The following TNFRSF10A variants were observed in gnomAD, a reference collection of about 807,000 sequenced individuals.
The protein encoded by TNFRSF10A is tumor necrosis factor receptor superfamily member 10A.
In TNFRSF10A, 44 loss-of-function variants were observed where a neutral mutation model predicts 42.8. The observed-to-expected ratio is 1.03, with a 90% CI of 0.81 to 1.32. The LOEUF is 1.32. Among genes scored for constraint, TNFRSF10A ranks in the 40% most tolerant of loss-of-function variants. TNFRSF10A has a pLI of 0.00. For synonymous variants in TNFRSF10A, 259 were observed against 234.2 expected, an observed-to-expected ratio of 1.11 and a Z score of -0.97; for missense variants, 680 against 602.0, an observed-to-expected ratio of 1.13 and a Z score of -1.36.
chr8:23,201,608 G>A (rs562679863), intron 4 of TNFRSF10A, among the ~76,000 whole-genome samples, 200 bp downstream of exon 4: 1 of 152,254 alleles, frequency 6.6e-6, no homozygotes, highest in East Asian at 1.9e-4. Context: ...CAGGGGACAG[G>A]GGTGGGGACA....
chr8:23,222,899 C>A (rs1801276283), intron 1 of TNFRSF10A, among the ~76,000 whole-genome samples: 1 of 152,132 alleles, frequency 6.6e-6, no homozygotes, highest in African/African-American at 2.4e-5. Context: ...TCCTCCCCAC[C>A]CCTTCCCCTG....
At chr8:23,224,126 C>T (rs1045122107) in intron 1 of TNFRSF10A, among the ~76,000 whole-genome samples, 4 of 151,548 alleles carry the variant, frequency 2.6e-5, no homozygotes, top group Non-Finnish European at 5.9e-5. Context: ...CAGTGAAACC[C>T]CGTGACTACT....
Position 23,217,309 on chromosome 8 carries a change from T to C in TNFRSF10A, c.307-5097A>G, listed in dbSNP as rs117309819. 7.4e-3 allele frequency among the ~76,000 whole-genome samples: 1,119 copies of C among 152,196 alleles called. 10 individuals are homozygous for C. Among genetic ancestry groups the C allele is most frequent in the Non-Finnish European group, 0.012 (847 of 67,992 alleles). On this transcript the variant is annotated intron_variant, in intron 1 of 9. Transcript: ENST00000221132. ...CTGCTCACTGCAACCTCCGAATCCC[T>C]GGTTCAAGTGATTCTCCTGCCTCAG...
Position 23,224,780 on chromosome 8 carries a change from A to T in TNFRSF10A, c.282T>A (p.Phe94Leu). Reference protein sequence around the residue: ...PRLRVHKTFKFVVVGVLLQVV... With the variant: ...PRLRVHKTFKLVVVGVLLQVV... The stretch of plus-strand genomic sequence containing the variant: ...CCTGCAGCAGGACCCCGACGACGAC[A>T]AACTTGAAGGTCTTGTGGACCCGGA... The change falls in exon 1 of 10, where the codon TTT (phenylalanine) becomes TTA (leucine). Residue 94 changes from phenylalanine (F) to leucine (L), a missense_variant. By Grantham distance (22) the Phe-to-Leu change is conservative. Transcript: ENST00000221132. The T allele has an allele frequency of 6.4e-7, 1 of 1,569,576 alleles. No homozygotes were observed. The highest frequency in any genetic ancestry group is 8.6e-7 in the Non-Finnish European group (1 of 1,157,510).
rs1055081144 is a variant in TNFRSF10A, at chr8:23,191,637, A to C, written c.*57T>G. On this transcript the variant is annotated 3_prime_UTR_variant, in exon 10 of 10. Transcript: ENST00000221132. Reference sequence around the variant, plus strand: ...TGTATACATGTTAAAAAAAAAAAAAACCTAATATGTATTAACTCCTAACAC... The same window carrying C: ...TGTATACATGTTAAAAAAAAAAAAACCCTAATATGTATTAACTCCTAACAC... 8.1e-6 allele frequency: 12 copies of C among 1,479,614 alleles called. No individual in the cohort carries two copies. Among genetic ancestry groups the C allele is most frequent in the Non-Finnish European group, 9.8e-6 (11 of 1,122,614 alleles). The allele number at this position is 1,479,614 out of a possible 1,614,324, so 91.7% of individuals were successfully genotyped here. A position where few individuals can be genotyped will look rare whatever the true frequency, so the allele number is the denominator to read the frequency against.
At chr8:23,195,917 T>A (rs1800817167) in intron 9 of TNFRSF10A, among the ~76,000 whole-genome samples, 1 of 152,110 alleles carries the variant, frequency 6.6e-6, no homozygotes, top group Admixed American at 6.6e-5. Flanking sequence ...GATTGATAAA[T>A]AGAAAGGGAG....
chr8:23,201,636 G>A (rs886167015), intron 4 of TNFRSF10A, among the ~76,000 whole-genome samples, 172 bp downstream of exon 4: 4 of 152,084 alleles, frequency 2.6e-5, no homozygotes, highest in African/African-American at 9.7e-5. Context: ...GGACCAGGAG[G>A]GGCAGGTTGC....
In TNFRSF10A at chr8:23,224,933, C is replaced by G; in HGVS notation, c.129G>C (p.Gly43=). The G allele has an allele frequency of 6.3e-7, 1 of 1,599,692 alleles. No homozygotes were observed. The highest frequency in any genetic ancestry group is 8.5e-7 in the Non-Finnish European group (1 of 1,173,370). Residue 43 remains glycine, a synonymous_variant, in exon 1 of 10, where the codon GGG becomes GGC. Coordinates refer to ENST00000221132, the MANE Select transcript of TNFRSF10A (RefSeq NM_003844.4). ...TPSKVWGSSA[G]RIEPRGGGRG... Reference sequence around the variant, plus strand: ...GGCCCCCGCCTCGTGGTTCAATCCTCCCCGCGGAAGAGCCCCACACTTTGC... The same window carrying G: ...GGCCCCCGCCTCGTGGTTCAATCCTGCCCGCGGAAGAGCCCCACACTTTGC...
chr8:23,197,188 T>C lies in TNFRSF10A; in HGVS notation c.1031A>G (p.Glu344Gly). ...AQCLLGPAEA[E>G]GSQRRRLLVP... ...CAGCAGCCTCCTCCTCTGAGACCCT[T>C]CAGCTTCTGCCGGTCCCTGTAACAC... Residue 344 changes from glutamate to glycine, a missense_variant, in exon 9 of 10, where the codon GAA becomes GGA. Physicochemically the swap from Glu to Gly is moderately conservative, Grantham distance 98. Coordinates refer to ENST00000221132, the MANE Select transcript of TNFRSF10A (RefSeq NM_003844.4). The C allele has an allele frequency of 6.2e-7, 1 of 1,614,108 alleles. No individual in the cohort carries two copies. Among genetic ancestry groups the C allele is most frequent in the South Asian group, 1.1e-5 (1 of 91,082 alleles).
At chr8:23,199,535 C>G (rs761590020) in intron 7 of TNFRSF10A, 87 bp from the exon 8 acceptor site, 1 of 1,490,332 alleles carries the variant, frequency 6.7e-7, no homozygotes, top group South Asian at 1.2e-5. Context: ...GCTGCCACCA[C>G]CCCCTCCCAG....
At chr8:23,200,250 A>G (rs1800887680) in intron 6 of TNFRSF10A, among the ~76,000 whole-genome samples, 1 of 152,178 alleles carries the variant, frequency 6.6e-6, no homozygotes, top group African/African-American at 2.4e-5. Flanking sequence ...GATGGGCCTG[A>G]CCAGTGGAGG....
At chr8:23,201,568 G>C (rs1333030820) in intron 4 of TNFRSF10A, among the ~76,000 whole-genome samples, 3 of 152,070 alleles carry the variant, frequency 2.0e-5, no homozygotes, top group African/African-American at 4.8e-5. Flanking sequence ...AAGGGGACTA[G>C]TGCTGGGGAG....
Position 23,224,974 on chromosome 8 carries a change from C to T in TNFRSF10A, c.88G>A (p.Ala30Thr), listed in dbSNP as rs1485932291. 3.7e-6 allele frequency: 6 copies of T among 1,600,720 alleles called. No individual in the cohort carries two copies. The highest frequency in any genetic ancestry group is 5.1e-6 in the Non-Finnish European group (6 of 1,173,508). Residue 30 changes from alanine to threonine, a missense_variant, in exon 1 of 10, where the codon GCC becomes ACC. By Grantham distance (58) the Ala-to-Thr change is moderately conservative (BLOSUM62 0). Transcript: ENST00000221132. Reference sequence around the variant, plus strand: ...CACACTTTGCTGGGTGTGGCCGCGGCTGCCTCTGTCCCACTCGCTGCGCTC... The same window carrying T: ...CACACTTTGCTGGGTGTGGCCGCGGTTGCCTCTGTCCCACTCGCTGCGCTC... ...PGSAASGTEA[A>T]AATPSKVWGS...
chr8:23,224,646 C>G, intron 1 of TNFRSF10A, 110 bp downstream of exon 1: 1 of 1,380,486 alleles, frequency 7.2e-7, no homozygotes, highest in Non-Finnish European at 9.7e-7. Context: ...CCGGACATGC[C>G]CCGCCACAAG....
At chr8:23,219,400 C>T (rs1326434000) in intron 1 of TNFRSF10A, among the ~76,000 whole-genome samples, 1 of 125,688 alleles carries the variant, frequency 8.0e-6, no homozygotes, top group Non-Finnish European at 1.7e-5. Context: ...TGCTAAGGAA[C>T]CCTAGGAGCT....
chr8:23,191,785 T>C lies in TNFRSF10A; in HGVS notation c.1316A>G (p.His439Arg). The C allele has an allele frequency of 6.2e-7, 1 of 1,614,168 alleles. No individual in the cohort carries two copies. The highest frequency in any genetic ancestry group is 1.6e-4 in the Middle Eastern group (1 of 6,062). Residue 439 changes from histidine (H) to arginine (R), a missense_variant, in exon 10 of 10, where the codon CAT (histidine) becomes CGT (arginine). His to Arg is a conservative substitution (Grantham distance 29, BLOSUM62 0). Transcript: ENST00000221132. ...GAGGTCCTGAATCTTCTCTCTTGCA[T>C]GTCTCTCTTCCATCCTCTCCAAGGC... ...LDALERMEER[H>R]AREKIQDLLV...
intron 2 of TNFRSF10A, among the ~76,000 whole-genome samples, chr8:23,204,991 C>A (rs529571895): frequency 5.9e-5 from 9 of 151,936 alleles, no homozygotes; most frequent in African/African-American, 2.2e-4. Context: ...CAATCTATAA[C>A]CTAATAATCC....
chr8:23,215,502 C>T (rs1044686884), intron 1 of TNFRSF10A, among the ~76,000 whole-genome samples: 2 of 148,664 alleles, frequency 1.3e-5, no homozygotes, highest in South Asian at 4.4e-4. Context: ...AGCGAGACTC[C>T]GACTCAAAAA....
In TNFRSF10A at chr8:23,199,845, T is replaced by C. The variant is rs775351925; in HGVS notation, c.831+41A>G. On this transcript the variant is annotated intron_variant, in intron 7 of 9. Coordinates refer to ENST00000221132, the MANE Select transcript of TNFRSF10A (RefSeq NM_003844.4). ...TACACTGTGGGCAAGAAGCAGTTCC[T>C]GAGCCCCTGATGCCCCCAGCTCCTG... 8.7e-6 allele frequency: 14 copies of C among 1,613,986 alleles called. No homozygotes were observed. In the East Asian group the frequency reaches 3.1e-4, roughly 36 times the overall value.
Sources: gnomAD v4.1 joint callset for allele counts (sites outside exome capture counted in the v4.1 genomes callset) on GRCh38, gnomAD v4.1.1 for gene constraint, MANE v1.5 for transcripts, NCBI Gene and HGNC (gene_info 2026-07-23, HGNC 2026-07-21) for gene names.